Variants in CERKL observed in about 807,000 individuals in gnomAD.
CERKL encodes the protein ceramide kinase-like protein.
In CERKL, 61 loss-of-function variants were observed where a neutral mutation model predicts 63.4. That is an observed-to-expected ratio of 0.96 (90% CI 0.78 to 1.19). CERKL has a LOEUF of 1.19. CERKL is among the 50% of genes most tolerant of loss of function. The probability of loss-of-function intolerance (pLI) is 0.00; values close to 1 mark genes in which losing one functional copy is unlikely to be tolerated. For missense variants in CERKL, 675 were observed against 655.5 expected (o/e 1.03, Z -0.33); for synonymous variants, 250 against 230.5 (o/e 1.08, Z -0.77).
chr2:181,552,799 C>T (rs1012230392), intron 5 of CERKL, among the ~76,000 whole-genome samples: 2 of 152,096 alleles, frequency 1.3e-5, no homozygotes, highest in African/African-American at 4.8e-5. Flanking sequence ...TAAATACATA[C>T]AATTTTTGTC....
At chr2:181,636,770 G>A (rs1331209136) in intron 1 of CERKL, among the ~76,000 whole-genome samples, 2 of 151,964 alleles carry the variant, frequency 1.3e-5, no homozygotes, top group African/African-American at 2.4e-5. Flanking sequence ...GTTTACCCTC[G>A]AACCTCTCTG....
At position 181,563,815 on chromosome 2, in the gene CERKL, C is replaced by G. The variant is rs531570875; in HGVS notation, c.677+2243G>C. 9.2e-5 allele frequency among the ~76,000 whole-genome samples: 14 copies of G among 152,194 alleles called. No homozygotes were observed. In the South Asian group the frequency reaches 2.5e-3, roughly 27 times the overall value. On this transcript the variant is annotated intron_variant, in intron 4 of 12. Coordinates refer to ENST00000410087, the MANE Select transcript of CERKL (RefSeq NM_201548.5). ...ATATCTCTCTATGTAATTCTAAGTACAGTGACTTAAAATTGCCAGTTTATT... is the reference window on the plus strand; with the variant it reads ...ATATCTCTCTATGTAATTCTAAGTAGAGTGACTTAAAATTGCCAGTTTATT...
At chr2:181,644,761 A>C (rs527358633) in intron 1 of CERKL, among the ~76,000 whole-genome samples, 1 of 152,306 alleles carries the variant, frequency 6.6e-6, no homozygotes, top group East Asian at 1.9e-4. Flanking sequence ...ATTATGCCTA[A>C]AGAGAAAACA....
In CERKL at chr2:181,558,532, G is replaced by C. The variant is rs1156778384; in HGVS notation, c.820+34C>G. ...AGTAAGAAAGGAAAAGAGGGAGAAGGGTCAGTTTAATGAATCTGTAGCCAC... is the reference window on the plus strand; with the variant it reads ...AGTAAGAAAGGAAAAGAGGGAGAAGCGTCAGTTTAATGAATCTGTAGCCAC... On this transcript the variant is annotated intron_variant, in intron 5 of 12. Coordinates refer to ENST00000410087, the MANE Select transcript of CERKL (RefSeq NM_201548.5). The surrounding 1 kb of genome is among the most constrained non-coding windows in gnomAD (Gnocchi z 4.2). The C allele has an allele frequency of 3.7e-6, 6 of 1,607,246 alleles. No homozygotes were observed. The highest frequency in any genetic ancestry group is 1.7e-5 in the Admixed American group (1 of 59,894).
chr2:181,651,927 C>T (rs1687956533), intron 1 of CERKL, among the ~76,000 whole-genome samples: 1 of 151,286 alleles, frequency 6.6e-6, no homozygotes, highest in Non-Finnish European at 1.5e-5. Flanking sequence ...AAAAAAGATA[C>T]CTAGAAATAA....
At chr2:181,596,283 C>A (rs1685206142) in intron 2 of CERKL, among the ~76,000 whole-genome samples, 1 of 152,124 alleles carries the variant, frequency 6.6e-6, no homozygotes, top group East Asian at 1.9e-4. Flanking sequence ...GTATAAGACA[C>A]CAATTACTTG....
chr2:181,643,187 A>G (rs1687522196), intron 1 of CERKL, among the ~76,000 whole-genome samples: 1 of 152,222 alleles, frequency 6.6e-6, no homozygotes, highest in Admixed American at 6.5e-5. Context: ...GGCCATAGAA[A>G]TAGGTATTTT....
intron 1 of CERKL, among the ~76,000 whole-genome samples, chr2:181,631,799 G>A (rs1268421554): frequency 6.6e-6 from 1 of 152,114 alleles, no homozygotes; most frequent in Non-Finnish European, 1.5e-5. Flanking sequence ...GAAGGAAATG[G>A]GAATAGAGTT....
intron 2 of CERKL, among the ~76,000 whole-genome samples, chr2:181,592,839 C>A (rs947339121): frequency 6.6e-6 from 1 of 152,044 alleles, no homozygotes; most frequent in Non-Finnish European, 1.5e-5. Flanking sequence ...CAGTACATTC[C>A]ATGACACACC....
At chr2:181,574,203 T>G (rs1185862311) in intron 2 of CERKL, among the ~76,000 whole-genome samples, 1 of 152,176 alleles carries the variant, frequency 6.6e-6, no homozygotes, top group Non-Finnish European at 1.5e-5. Context: ...CCACAATATA[T>G]CAAATGTTCT....
intron 2 of CERKL, among the ~76,000 whole-genome samples, chr2:181,587,286 CAT>C (rs1425494419): frequency 6.6e-6 from 1 of 152,130 alleles, no homozygotes; most frequent in Non-Finnish European, 1.5e-5. Flanking sequence ...GCAATGTAAA[CAT>C]ATCTCTGTTT....
chr2:181,538,738 CACTTT>C (rs1249377860), intron 12 of CERKL, among the ~76,000 whole-genome samples: 1 of 152,136 alleles, frequency 6.6e-6, no homozygotes, highest in East Asian at 1.9e-4. Context: ...AAAAATCTAA[CACTTT>C]ACTATTCAGA....
chr2:181,631,681 C>A (rs1453292483), intron 1 of CERKL, among the ~76,000 whole-genome samples: 2 of 152,176 alleles, frequency 1.3e-5, no homozygotes, highest in African/African-American at 4.8e-5. Flanking sequence ...TTGCCTCAAG[C>A]AAAGCACTCT....
Position 181,537,509 on chromosome 2 carries a change from T to C in CERKL, c.*675A>G, listed in dbSNP as rs202115634. 34 of 451,624 alleles carry C rather than the reference T, an allele frequency of 7.5e-5. No homozygotes were observed. The highest frequency in any genetic ancestry group is 5.1e-4 in the South Asian group (33 of 64,244). 28.0% of individuals were successfully genotyped at this position (451,624 alleles called of 1,614,324 possible). A position where few individuals can be genotyped will look rare whatever the true frequency, so the allele number is the denominator to read the frequency against. ...TTATTCTTTTTTGGCAGGTAGGCTA[T>C]ATAACTATGTGATTTTGAAATTTAA... On this transcript the variant is annotated 3_prime_UTR_variant, in exon 13 of 13. Transcript: ENST00000410087.
At chr2:181,647,458 C>A (rs1327703148) in intron 1 of CERKL, among the ~76,000 whole-genome samples, 1 of 152,102 alleles carries the variant, frequency 6.6e-6, no homozygotes. Context: ...CAAAACTATA[C>A]CACCATCAAA....
intron 4 of CERKL, among the ~76,000 whole-genome samples, chr2:181,562,651 C>A (rs1688496697): frequency 6.6e-6 from 1 of 152,100 alleles, no homozygotes; most frequent in East Asian, 1.9e-4. Context: ...TAAGTAAACT[C>A]CTTGCCATGG....
intron 2 of CERKL, among the ~76,000 whole-genome samples, chr2:181,594,174 TA>T (rs1320498252): frequency 6.6e-6 from 1 of 152,114 alleles, no homozygotes; most frequent in African/African-American, 2.4e-5. Context: ...AAATAAAAAA[TA>T]AAATTTATTG....
At chr2:181,645,114 CT>C (rs1687613703) in intron 1 of CERKL, among the ~76,000 whole-genome samples, 1 of 152,164 alleles carries the variant, frequency 6.6e-6, no homozygotes, top group Non-Finnish European at 1.5e-5. Flanking sequence ...TTACCCACCA[CT>C]CCAATCAAGG....
chr2:181,613,315 G>A (rs1449388881), intron 1 of CERKL, among the ~76,000 whole-genome samples: 3 of 152,114 alleles, frequency 2.0e-5, no homozygotes, highest in East Asian at 1.9e-4. Context: ...GCAGTCCTTA[G>A]GAAAACAGCA....
Sources: allele counts gnomAD v4.1 joint callset (sites outside exome capture counted in the v4.1 genomes callset), GRCh38; gene constraint gnomAD v4.1.1; non-coding constraint Gnocchi (gnomAD v3.1); transcripts MANE v1.5; gene names NCBI Gene and HGNC (gene_info 2026-07-23, HGNC 2026-07-21).